The following KRABD5 variants were observed in gnomAD, a reference collection of about 807,000 sequenced individuals.
The protein encoded by KRABD5 is KRAB domain-containing protein 5.
At chr16:31,742,168 A>C in the KRABD5 span, among the ~76,000 whole-genome samples, 3 of 140,182 alleles carry the variant, frequency 2.1e-5, no homozygotes, top group African/African-American at 8.0e-5. Context: ...TTTTAAAAAA[A>C]ATTTTTTGTT....
At chr16:31,717,010 T>G in the KRABD5 span, among the ~76,000 whole-genome samples, 1 of 146,386 alleles carries the variant, frequency 6.8e-6, no homozygotes, top group African/African-American at 2.5e-5. Context: ...TTTTTTTTTT[T>G]TTTTTTTTTT....
the KRABD5 span, among the ~76,000 whole-genome samples, chr16:31,741,224 T>C: frequency 6.6e-6 from 1 of 152,238 alleles, no homozygotes; most frequent in Non-Finnish European, 1.5e-5. Context: ...GATGGGCATC[T>C]AGGCTGATTC....
At chr16:31,738,530 AT>A in the KRABD5 span, among the ~76,000 whole-genome samples, 1 of 151,910 alleles carries the variant, frequency 6.6e-6, no homozygotes, top group Non-Finnish European at 1.5e-5. Context: ...TTTGCACACT[AT>A]TTTTTTTCCA....
the KRABD5 span, chr16:31,760,484 G>A: frequency 3.2e-5 from 4 of 123,694 alleles, no homozygotes; most frequent in East Asian, 4.7e-4. Flanking sequence ...TAGGGCCTCC[G>A]CATGTGACTG....
the KRABD5 span, among the ~76,000 whole-genome samples, chr16:31,747,973 G>A: frequency 2.0e-5 from 3 of 152,152 alleles, no homozygotes; most frequent in South Asian, 4.1e-4. Flanking sequence ...TTCTTCTGCT[G>A]TGCAGAAGCT....
At chr16:31,753,790 G>C in the KRABD5 span, 1 of 1,521,542 alleles carries the variant, frequency 6.6e-7, no homozygotes, top group East Asian at 2.5e-5. Context: ...GATACTCAAG[G>C]CCTCTTAAGA....
chr16:31,731,901 T>C, the KRABD5 span, among the ~76,000 whole-genome samples: 3 of 152,206 alleles, frequency 2.0e-5, no homozygotes, highest in African/African-American at 7.2e-5. Flanking sequence ...CCTGAGGGTC[T>C]CTGTGTGGAC....
the KRABD5 span, among the ~76,000 whole-genome samples, chr16:31,741,318 G>T: frequency 6.6e-6 from 1 of 152,164 alleles, no homozygotes; most frequent in Admixed American, 6.5e-5. Context: ...TTTCCATTGG[G>T]TATATACTGA....
At chr16:31,731,453 T>G in the KRABD5 span, among the ~76,000 whole-genome samples, 1 of 152,204 alleles carries the variant, frequency 6.6e-6, no homozygotes, top group Non-Finnish European at 1.5e-5. Context: ...AGAATAGATG[T>G]GGACAGGTGT....
chr16:31,716,645 G>A, the KRABD5 span, among the ~76,000 whole-genome samples: 1 of 152,114 alleles, frequency 6.6e-6, no homozygotes, highest in Non-Finnish European at 1.5e-5. Flanking sequence ...CTCCCAAAGT[G>A]CTGGGATTAC....
the KRABD5 span, chr16:31,757,115 AAAGCTT>A: frequency 6.6e-6 from 1 of 152,166 alleles, no homozygotes; most frequent in South Asian, 2.1e-4. Flanking sequence ...TTCTTATTTC[AAAGCTT>A]ATAAACTATT....
the KRABD5 span, among the ~76,000 whole-genome samples, chr16:31,737,344 T>C: frequency 2.0e-5 from 3 of 152,174 alleles, no homozygotes; most frequent in Admixed American, 2.0e-4. Flanking sequence ...AATGAACAAG[T>C]TCTGTAAAGT....
At chr16:31,724,360 A>T in the KRABD5 span, among the ~76,000 whole-genome samples, 7 of 152,278 alleles carry the variant, frequency 4.6e-5, no homozygotes, top group East Asian at 1.3e-3. Context: ...ATCATCTCAC[A>T]TAGTTGCCAG....
At chr16:31,755,191 A>T in the KRABD5 span, 29 of 475,530 alleles carry the variant, frequency 6.1e-5, no homozygotes, top group East Asian at 1.9e-3. Flanking sequence ...AACATCAGAG[A>T]ATTCATACCG....
At chr16:31,730,289 C>T in the KRABD5 span, among the ~76,000 whole-genome samples, 1 of 151,588 alleles carries the variant, frequency 6.6e-6, no homozygotes, top group African/African-American at 2.4e-5. Flanking sequence ...CTAAAAGATG[C>T]TTTGTTGTGT....
the KRABD5 span, among the ~76,000 whole-genome samples, chr16:31,735,761 G>C: frequency 6.6e-6 from 1 of 152,034 alleles, no homozygotes; most frequent in Non-Finnish European, 1.5e-5. Flanking sequence ...TTTTTAAATT[G>C]GATTGTATGT....
At chr16:31,727,474 G>A in the KRABD5 span, among the ~76,000 whole-genome samples, 2 of 152,218 alleles carry the variant, frequency 1.3e-5, no homozygotes, top group South Asian at 4.1e-4. Flanking sequence ...GCTGAGAGGA[G>A]CAGTTCTGCA....
the KRABD5 span, among the ~76,000 whole-genome samples, chr16:31,719,652 C>T: frequency 2.0e-5 from 3 of 152,218 alleles, no homozygotes; most frequent in Non-Finnish European, 4.4e-5. Flanking sequence ...AGCCTACCCT[C>T]ACAGAACTGT....
chr16:31,745,415 T>A, the KRABD5 span, among the ~76,000 whole-genome samples: 1 of 152,182 alleles, frequency 6.6e-6, no homozygotes, highest in Admixed American at 6.5e-5. Flanking sequence ...TCAATTTCCA[T>A]GTAATTGTAT....
Sources: allele counts gnomAD v4.1 joint callset (sites outside exome capture counted in the v4.1 genomes callset), GRCh38; gene constraint gnomAD v4.1.1; transcripts MANE v1.5; gene names NCBI Gene and HGNC (gene_info 2026-07-23, HGNC 2026-07-21).